Variants in CFAP251 observed in about 807,000 individuals in gnomAD.
The protein encoded by CFAP251 is cilia and flagella associated protein 251, also known as cilia- and flagella-associated protein 251.
Under a neutral mutation model 126.7 loss-of-function variants are expected in CFAP251, and 93 were observed. The ratio of observed to expected loss-of-function variants is 0.73; its 90% confidence interval spans 0.62 to 0.87. The LOEUF (loss-of-function observed/expected upper bound fraction) is 0.87. Ranked by LOEUF, CFAP251 falls within the 40% of genes least tolerant of loss-of-function variation. CFAP251 has a pLI of 0.00. For synonymous variants in CFAP251, 503 were observed against 506.9 expected, an observed-to-expected ratio of 0.99 and a Z score of 0.10; for missense variants, 1,287 against 1,389.2, an observed-to-expected ratio of 0.93 and a Z score of 1.17.
chr12:121,952,640 C>T (rs1257241302), intron 9 of CFAP251: 1 of 152,124 alleles, frequency 6.6e-6, no homozygotes, highest in Non-Finnish European at 1.5e-5. Flanking sequence ...TCTCCTGTAG[C>T]ATTTTCTGCA....
chr12:122,003,713 T>A lies in CFAP251; in HGVS notation c.3399T>A (p.Thr1133=), dbSNP rs1321126017. Residue 1133 remains threonine (T), a synonymous_variant, in exon 22 of 22, where the codon ACT becomes ACA. Coordinates refer to ENST00000288912, the MANE Select transcript of CFAP251 (RefSeq NM_144668.6). ...AAATCACTGCAGAAATATTCGCGACTGAAATTCTTGGCTTAACCATTTCAG... is the reference window on the plus strand; with the variant it reads ...AAATCACTGCAGAAATATTCGCGACAGAAATTCTTGGCTTAACCATTTCAG... The part of the protein sequence containing the change: ...PDEITAEIFA[T]EILGLTISED... 6.2e-7 allele frequency: 1 copy of A among 1,610,150 alleles called. No individual in the cohort carries two copies. Among genetic ancestry groups the A allele is most frequent in the Non-Finnish European group, 8.5e-7 (1 of 1,178,840 alleles).
intron 10 of CFAP251, among the ~76,000 whole-genome samples, chr12:121,955,090 T>C (rs1033433082): frequency 6.6e-6 from 1 of 152,088 alleles, no homozygotes; most frequent in Non-Finnish European, 1.5e-5. Context: ...CCTCAGGAGT[T>C]TGAGACCAGC....
chr12:121,954,398 G>T, intron 10 of CFAP251, 64 bp downstream of exon 10: 1 of 1,432,542 alleles, frequency 7.0e-7, no homozygotes, highest in Non-Finnish European at 9.4e-7. Context: ...AATTGTTATG[G>T]GAGGTTGGGC....
Position 121,954,242 on chromosome 12 carries a change from T to C in CFAP251, c.1443T>C (p.Ser481=). The C allele has an allele frequency of 6.2e-7, 1 of 1,614,250 alleles. No individual in the cohort carries two copies. Among genetic ancestry groups the C allele is most frequent in the Non-Finnish European group, 8.5e-7 (1 of 1,180,038 alleles). ...GGGACATACACCGCCCACCCTCATC[T>C]GCCTCCACCTTTTTGGGCTTTCCCT... ...VVWDIHRPPS[S]ASTFLGFPYI... is the part of the protein sequence containing the mutation. Residue 481 remains serine (S), a synonymous_variant, in exon 10 of 22, where the codon TCT becomes TCC. Coordinates refer to ENST00000288912, the MANE Select transcript of CFAP251 (RefSeq NM_144668.6).
intron 5 of CFAP251, among the ~76,000 whole-genome samples, chr12:121,938,237 G>A (rs558356652): frequency 8.6e-5 from 13 of 151,776 alleles, no homozygotes; most frequent in Non-Finnish European, 1.6e-4. Flanking sequence ...GAACTCCTAG[G>A]CACAAGTGAT....
Position 121,961,098 on chromosome 12 carries a change from G to A in CFAP251, c.2307+340G>A, listed in dbSNP as rs751520372. Among the ~76,000 whole-genome samples the A allele has an allele frequency of 4.6e-4, 70 of 152,306 alleles. 1 individual carries two copies. The highest frequency in any genetic ancestry group is 1.7e-3 in the African/African-American group (70 of 41,562). ...ACTAACACTGTCTTCATGTCCATCAGTTGGGGCCAGGCTGCTACCTAAATG... is the reference window on the plus strand; with the variant it reads ...ACTAACACTGTCTTCATGTCCATCAATTGGGGCCAGGCTGCTACCTAAATG... On this transcript the variant is annotated intron_variant, in intron 14 of 21. Coordinates refer to ENST00000288912, the MANE Select transcript of CFAP251 (RefSeq NM_144668.6).
intron 17 of CFAP251, among the ~76,000 whole-genome samples, chr12:121,971,076 G>A (rs540978178): frequency 6.6e-6 from 1 of 152,318 alleles, no homozygotes; most frequent in South Asian, 2.1e-4. Context: ...TCCCCTCAGG[G>A]GCTCCTGCTG....
intron 15 of CFAP251, among the ~76,000 whole-genome samples, chr12:121,965,074 G>A (rs1352167035): frequency 6.6e-6 from 1 of 152,026 alleles, no homozygotes; most frequent in East Asian, 1.9e-4. Context: ...TCATAACCAT[G>A]GCTTAATTGG....
chr12:121,969,012 G>C lies in CFAP251; in HGVS notation c.2771+843G>C, dbSNP rs1395639465. On this transcript the variant is annotated intron_variant, in intron 17 of 21. Coordinates refer to ENST00000288912, the MANE Select transcript of CFAP251 (RefSeq NM_144668.6). ...GTCAACCATGTGGCAGCCGGTTCCT[G>C]TTCCTGACCACTTCTCCAAGCCCCT... 3 of 985,122 alleles carry C rather than the reference G, an allele frequency of 3.0e-6. No individual in the cohort carries two copies. In the African/African-American group the frequency reaches 5.2e-5, roughly 17 times the overall value. 61.0% of individuals were successfully genotyped at this position (985,122 alleles called of 1,614,324 possible). A position where few individuals can be genotyped will look rare whatever the true frequency, so the allele number is the denominator to read the frequency against.
At chr12:121,951,779 C>T (rs530968460) in intron 9 of CFAP251, among the ~76,000 whole-genome samples, 2 of 152,116 alleles carry the variant, frequency 1.3e-5, no homozygotes, top group Non-Finnish European at 1.5e-5. Flanking sequence ...CGTGCAGTGG[C>T]GTGATCTTGG....
rs747294226 is a variant in CFAP251 at position 121,957,186 on chromosome 12, T to C, written c.1648T>C (p.Ser550Pro). The C allele has an allele frequency of 6.2e-7, 1 of 1,614,140 alleles. No homozygotes were observed. Among genetic ancestry groups the C allele is most frequent in the South Asian group, 1.1e-5 (1 of 91,058 alleles). The stretch of plus-strand genomic sequence containing the variant: ...GGGCGCCATAAGAACTCTGTCCTTT[T>C]CAAAGACCCCAGCAACTCCTCCTAC... The part of the protein sequence containing the change: ...KLGAIRTLSF[S>P]KTPATPPTEK... Residue 550 changes from serine (S) to proline (P), a missense_variant, in exon 11 of 22, where the codon TCA becomes CCA. Transcript: ENST00000288912.
chr12:121,941,481 G>A (rs926665115), intron 5 of CFAP251, among the ~76,000 whole-genome samples: 5 of 149,670 alleles, frequency 3.3e-5, no homozygotes, highest in Non-Finnish European at 5.9e-5. Context: ...CCACAGGCAC[G>A]TGCCACCACA....
rs1236314593 is a variant in CFAP251 at position 121,961,988 on chromosome 12, A to G, written c.2318A>G (p.Asp773Gly). ...LGTDRLLIEY[D>G]LLRSYKDHLE... ...TGGGCTCCTCTGCAGATAGAGTATGATCTTCTCAGGAGCTACAAAGACCAC... is the reference window on the plus strand; with the variant it reads ...TGGGCTCCTCTGCAGATAGAGTATGGTCTTCTCAGGAGCTACAAAGACCAC... Residue 773 changes from aspartate to glycine, a missense_variant, in exon 15 of 22, where the codon GAT (aspartate) becomes GGT (glycine). Physicochemically the swap from Asp to Gly is moderately conservative, Grantham distance 94. Transcript: ENST00000288912. 3 of 1,613,296 alleles carry G rather than the reference A, an allele frequency of 1.9e-6. No homozygotes were observed. Among genetic ancestry groups the G allele is most frequent in the Non-Finnish European group, 2.5e-6 (3 of 1,179,886 alleles).
At chr12:121,991,644 C>T (rs761736336) in intron 19 of CFAP251, among the ~76,000 whole-genome samples, 6 of 152,082 alleles carry the variant, frequency 3.9e-5, no homozygotes, top group South Asian at 2.1e-4. Context: ...AGCTTGGCTA[C>T]GCATTCAAAT....
In CFAP251 at chr12:121,975,522, T is replaced by G; in HGVS notation, c.2863-20T>G. Reference sequence around the variant, plus strand: ...CTTAAGCCTAAATGTGTGTTGTGTTTCCGTTGTATTCCTACATAGGAGCTA... The same window carrying G: ...CTTAAGCCTAAATGTGTGTTGTGTTGCCGTTGTATTCCTACATAGGAGCTA... On this transcript the variant is annotated intron_variant, in intron 18 of 21. Transcript: ENST00000288912. 1.2e-6 allele frequency: 2 copies of G among 1,605,118 alleles called. No individual in the cohort carries two copies. Among genetic ancestry groups the G allele is most frequent in the Non-Finnish European group, 8.5e-7 (1 of 1,177,556 alleles).
intron 8 of CFAP251, chr12:121,949,507 C>T (rs1175659759): frequency 7.0e-6 from 1 of 143,734 alleles, no homozygotes; most frequent in Non-Finnish European, 1.5e-5. Context: ...TTTTTGAGAC[C>T]TTGGTCTTTT....
intron 19 of CFAP251, among the ~76,000 whole-genome samples, chr12:121,976,673 A>C (rs949094194): frequency 6.6e-6 from 1 of 152,180 alleles, no homozygotes; most frequent in Non-Finnish European, 1.5e-5. Flanking sequence ...TGGGATGCCA[A>C]GTTGGGGAGG....
intron 7 of CFAP251, among the ~76,000 whole-genome samples, chr12:121,946,188 T>C (rs2135768642): frequency 6.6e-6 from 1 of 152,340 alleles, no homozygotes; most frequent in Non-Finnish European, 1.5e-5. Flanking sequence ...TGCAGAGAGC[T>C]TTGGTTTCTT....
chr12:121,934,867 C>T lies in CFAP251; in HGVS notation c.998+511C>T, dbSNP rs117261762. Among the ~76,000 whole-genome samples, 69 of 152,298 alleles carry T rather than the reference C, an allele frequency of 4.5e-4. No homozygotes were observed. The East Asian group carries it at 0.012, about 26-fold the overall frequency. Reference sequence around the variant, plus strand: ...CATTGCCCACGCTGGAGTGCGTTGGCGCAATCATAGCTCATTGCAGCCATG... The same window carrying T: ...CATTGCCCACGCTGGAGTGCGTTGGTGCAATCATAGCTCATTGCAGCCATG... On this transcript the variant is annotated intron_variant, in intron 5 of 21. Coordinates refer to ENST00000288912, the MANE Select transcript of CFAP251 (RefSeq NM_144668.6).
Sources: allele counts gnomAD v4.1 joint callset (sites outside exome capture counted in the v4.1 genomes callset), GRCh38; gene constraint gnomAD v4.1.1; transcripts MANE v1.5; gene names NCBI Gene and HGNC (gene_info 2026-07-23, HGNC 2026-07-21).